RSPH9: variants seen among roughly 807,000 people sequenced by gnomAD.
RSPH9 encodes radial spoke head component 9.
RSPH9 carries 27 observed loss-of-function variants against 27.0 expected under a neutral mutation model. That is an observed-to-expected ratio of 1.00 (90% CI 0.74 to 1.38). RSPH9 has a LOEUF of 1.38. RSPH9 is among the 40% of genes most tolerant of loss of function. The probability of loss-of-function intolerance (pLI) is 0.00; values close to 1 mark genes in which losing one functional copy is unlikely to be tolerated. For missense variants in RSPH9, 347 were observed against 357.4 expected, an observed-to-expected ratio of 0.97 and a Z score of 0.24; for synonymous variants, 145 against 147.7, an observed-to-expected ratio of 0.98 and a Z score of 0.13.
At chr6:43,656,762 C>T (rs769924244) in intron 4 of RSPH9, 39 bp downstream of exon 4, 1 of 1,608,092 alleles carries the variant, frequency 6.2e-7, no homozygotes, top group African/African-American at 1.3e-5. Flanking sequence ...GATCTGTCCT[C>T]AGGCCATAGC....
At chr6:43,645,375 A>AGGGG in intron 1 of RSPH9, 50 bp downstream of exon 1, 1 of 134,652 alleles carries the variant, frequency 7.4e-6, no homozygotes, top group Admixed American at 8.7e-5. Context: ...ACCTGGAGGC[A>AGGGG]GGGCGGGGTG....
chr6:43,651,105 T>A (rs1410585601), intron 2 of RSPH9, among the ~76,000 whole-genome samples: 4 of 152,028 alleles, frequency 2.6e-5, no homozygotes, highest in Non-Finnish European at 4.4e-5. Flanking sequence ...ACTAATGTTA[T>A]TATTATCTTT....
chr6:43,665,986 T>C (rs1345895244), intron 4 of RSPH9, among the ~76,000 whole-genome samples: 1 of 151,936 alleles, frequency 6.6e-6, no homozygotes. Context: ...CCACCATGCC[T>C]GGCTAGTTTT....
chr6:43,650,577 A>T, intron 2 of RSPH9, 37 bp downstream of exon 2: 1 of 1,611,828 alleles, frequency 6.2e-7, no homozygotes, highest in South Asian at 1.1e-5. Context: ...GGCCTAAAAG[A>T]GAGCCTGGGC....
chr6:43,666,456 T>C, intron 4 of RSPH9: 1 of 1,550,520 alleles, frequency 6.4e-7, no homozygotes, highest in African/African-American at 1.4e-5. Flanking sequence ...TGACTTCACG[T>C]GGCTTCTGAG....
intron 4 of RSPH9, chr6:43,666,315 A>G (rs1477416008): frequency 1.2e-6 from 1 of 824,660 alleles, no homozygotes; most frequent in Admixed American, 2.1e-5. Context: ...CTGGGCTGCT[A>G]ATTGGGGCCA....
chr6:43,666,736 C>A (rs529267054), intron 4 of RSPH9, among the ~76,000 whole-genome samples: 1 of 152,314 alleles, frequency 6.6e-6, no homozygotes, highest in Non-Finnish European at 1.5e-5. Flanking sequence ...CCTTGGGCTG[C>A]AGCCAGGTGG....
intron 2 of RSPH9, among the ~76,000 whole-genome samples, chr6:43,654,347 G>C (rs1162004869): frequency 6.6e-6 from 1 of 152,206 alleles, no homozygotes; most frequent in Non-Finnish European, 1.5e-5. Context: ...TTAAACTGAA[G>C]AGAAGGATAT....
intron 4 of RSPH9, among the ~76,000 whole-genome samples, chr6:43,659,741 T>C (rs1772416534): frequency 6.6e-6 from 1 of 151,168 alleles, no homozygotes; most frequent in Non-Finnish European, 1.5e-5. Context: ...ATTATTATTA[T>C]TATTTTTTGA....
In RSPH9 at chr6:43,672,403, G is replaced by A. The variant is rs2127939322; in HGVS notation, c.*1454G>A. The A allele has an allele frequency of 2.1e-6, 1 of 471,534 alleles. No individual in the cohort carries two copies. Among genetic ancestry groups the A allele is most frequent in the Middle Eastern group, 3.3e-4 (1 of 3,066 alleles). 29.2% of individuals were successfully genotyped at this position (471,534 alleles called of 1,614,324 possible). A position where few individuals can be genotyped will look rare whatever the true frequency, so the allele number is the denominator to read the frequency against. On this transcript the variant is annotated 3_prime_UTR_variant, in exon 5 of 5. Transcript: ENST00000372163. ...TCACCCAACCTGTGATGGGAATCAA[G>A]GGGTAAGGGCCCGTGGGCGCAGCCC...
chr6:43,671,109 C>T lies in RSPH9; in HGVS notation c.*160C>T. 2.4e-6 allele frequency: 2 copies of T among 831,268 alleles called. No homozygotes were observed. The highest frequency in any genetic ancestry group is 3.9e-6 in the Non-Finnish European group (2 of 517,436). The allele number at this position is 831,268 out of a possible 1,614,324, so 51.5% of individuals were successfully genotyped here. ...TGAGCCAGGGAGCTCATTTCTAAACCAAGTGGCAGAGGGGTTGGAATGTGC... is the reference window on the plus strand; with the variant it reads ...TGAGCCAGGGAGCTCATTTCTAAACTAAGTGGCAGAGGGGTTGGAATGTGC... On this transcript the variant is annotated 3_prime_UTR_variant, in exon 5 of 5. Coordinates refer to ENST00000372163, the MANE Select transcript of RSPH9 (RefSeq NM_152732.5).
At chr6:43,662,432 T>A (rs987981006) in intron 4 of RSPH9, among the ~76,000 whole-genome samples, 3 of 151,652 alleles carry the variant, frequency 2.0e-5, no homozygotes, top group African/African-American at 7.3e-5. Context: ...AGTGGTGCAA[T>A]CTCGGCTCAC....
At position 43,645,252 on chromosome 6, in the gene RSPH9, G is replaced by T. The variant is rs763447905; in HGVS notation, c.154G>T (p.Gly52Cys). ...GGTTCTCTTCTGGGGCCGCATCCTT[G>T]GCCTCGTCGCCGATTACTACATCGC... ...DRVLFWGRIL[G>C]LVADYYIAQG... The change falls in exon 1 of 5, where the codon GGC becomes TGC. Residue 52 changes from glycine to cysteine, a missense_variant. By Grantham distance (159) the Gly-to-Cys change is radical. Transcript: ENST00000372163. 2 of 1,614,068 alleles carry T rather than the reference G, an allele frequency of 1.2e-6. No individual in the cohort carries two copies. The highest frequency in any genetic ancestry group is 1.7e-5 in the Admixed American group (1 of 60,032).
At chr6:43,656,089 CCTTT>C (rs1367096448) in intron 3 of RSPH9, among the ~76,000 whole-genome samples, 5 of 141,966 alleles carry the variant, frequency 3.5e-5, no homozygotes, top group African/African-American at 1.1e-4. Context: ...TCCCTCCCTC[CCTTT>C]GTTTCTTTCT....
chr6:43,663,986 G>A (rs1165735317), intron 4 of RSPH9, among the ~76,000 whole-genome samples: 2 of 147,914 alleles, frequency 1.4e-5, no homozygotes, highest in African/African-American at 2.5e-5. Context: ...CCGAGATCAC[G>A]CCACTGCACT....
chr6:43,648,483 G>T (rs2127886069), intron 1 of RSPH9, among the ~76,000 whole-genome samples: 1 of 152,310 alleles, frequency 6.6e-6, no homozygotes, highest in East Asian at 1.9e-4. Flanking sequence ...GACTAGTGTG[G>T]CTAGAGAAGA....
chr6:43,645,352 C>G (rs201077095), intron 1 of RSPH9, 27 bp downstream of exon 1: 3 of 1,268,822 alleles, frequency 2.4e-6, no homozygotes, highest in Admixed American at 3.8e-5. Flanking sequence ...GACGGGCTCC[C>G]CAGAGGGTGG....
Position 43,671,034 on chromosome 6 carries a change from C to G in RSPH9, c.*85C>G. On this transcript the variant is annotated 3_prime_UTR_variant, in exon 5 of 5. Coordinates refer to ENST00000372163, the MANE Select transcript of RSPH9 (RefSeq NM_152732.5). Reference sequence around the variant, plus strand: ...GTGAACTTGGCCTGCCTGTTCTGTCCTATCTTCTTAACTCCACCTCCGTCT... The same window carrying G: ...GTGAACTTGGCCTGCCTGTTCTGTCGTATCTTCTTAACTCCACCTCCGTCT... 6.5e-7 allele frequency: 1 copy of G among 1,528,514 alleles called. No individual in the cohort carries two copies. Among genetic ancestry groups the G allele is most frequent in the South Asian group, 1.2e-5 (1 of 85,858 alleles). 94.7% of individuals were successfully genotyped at this position (1,528,514 alleles called of 1,614,324 possible).
chr6:43,656,584 C>T lies in RSPH9; in HGVS notation c.531C>T (p.Ser177=). The T allele has an allele frequency of 6.2e-7, 1 of 1,614,212 alleles. No homozygotes were observed. The highest frequency in any genetic ancestry group is 1.1e-5 in the South Asian group (1 of 91,086). Residue 177 remains serine, a synonymous_variant, in exon 4 of 5, where the codon TCC becomes TCT. Coordinates refer to ENST00000372163, the MANE Select transcript of RSPH9 (RefSeq NM_152732.5). ...CCTGCCACCTCTTTCTAGGACTGTC[C>T]TTGTCTGAGGCCAAGAAGCTCAGCT... ...THVNRTFEGL[S]LSEAKKLSSY... is the part of the protein sequence containing the mutation.
Sources: allele counts gnomAD v4.1 joint callset (sites outside exome capture counted in the v4.1 genomes callset), GRCh38; gene constraint gnomAD v4.1.1; transcripts MANE v1.5; gene names NCBI Gene and HGNC (gene_info 2026-07-23, HGNC 2026-07-21).